The following RAPGEF4 variants were observed in gnomAD, a reference collection of about 807,000 sequenced individuals.
The protein encoded by RAPGEF4 is RAP guanine-nucleotide-exchange factor (GEF) 4.
A neutral mutation model predicts 147.9 loss-of-function variants in RAPGEF4; 66 were observed. The observed-to-expected ratio is 0.45, with a 90% confidence interval of 0.37 to 0.55. The LOEUF (loss-of-function observed/expected upper bound fraction) is 0.55, where lower values mean the gene tolerates loss of function less well. RAPGEF4 is among the 20% of genes least tolerant of loss of function. The pLI, the probability that RAPGEF4 is intolerant of heterozygous loss-of-function variation, is 0.00. For synonymous variants in RAPGEF4, 419 were observed against 442.7 expected (o/e 0.95, Z 0.67); for missense variants, 1,071 against 1,257.3 (o/e 0.85, Z 2.24).
At chr2:172,992,218 A>T (rs2105744813) in intron 15 of RAPGEF4, among the ~76,000 whole-genome samples, 1 of 152,386 alleles carries the variant, frequency 6.6e-6, no homozygotes, top group South Asian at 2.1e-4. Flanking sequence ...CCTGTCACTT[A>T]CAAAACTATA....
At chr2:172,968,256 C>T (rs1400194973) in intron 10 of RAPGEF4, among the ~76,000 whole-genome samples, 1 of 152,188 alleles carries the variant, frequency 6.6e-6, no homozygotes, top group Admixed American at 6.5e-5. Context: ...TGAAGACGCC[C>T]TCTGCCCCAC....
intron 6 of RAPGEF4, among the ~76,000 whole-genome samples, chr2:172,940,128 C>G (rs963857663): frequency 1.9e-4 from 29 of 152,040 alleles, no homozygotes; most frequent in Non-Finnish European, 4.4e-5. Flanking sequence ...TAGAATTTGT[C>G]TAATGTTTTT....
intron 4 of RAPGEF4, among the ~76,000 whole-genome samples, chr2:172,867,671 C>T (rs1694795744): frequency 6.6e-6 from 1 of 152,156 alleles, no homozygotes; most frequent in South Asian, 2.1e-4. Context: ...GAGGGTATGG[C>T]TATTTGTTGG....
chr2:172,967,501 C>T (rs1216356305), intron 10 of RAPGEF4, 57 bp downstream of exon 10: 3 of 1,531,074 alleles, frequency 2.0e-6, no homozygotes, highest in Non-Finnish European at 2.6e-6. Flanking sequence ...AGTGCATAGA[C>T]ATACCATGAG....
At chr2:172,890,845 A>G (rs1031321482) in intron 4 of RAPGEF4, among the ~76,000 whole-genome samples, 9 of 152,196 alleles carry the variant, frequency 5.9e-5, no homozygotes, top group Non-Finnish European at 2.9e-5. Context: ...AAAATTATTA[A>G]CAGATCAGGT....
At chr2:172,817,940 T>A (rs111868800) in intron 4 of RAPGEF4, among the ~76,000 whole-genome samples, 19 of 147,242 alleles carry the variant, frequency 1.3e-4, no homozygotes, top group Non-Finnish European at 2.7e-4. Context: ...CAATTATATA[T>A]ATAATGTATA....
chr2:172,863,930 T>C (rs1252684497), intron 4 of RAPGEF4, among the ~76,000 whole-genome samples: 1 of 152,090 alleles, frequency 6.6e-6, no homozygotes, highest in Non-Finnish European at 1.5e-5. Context: ...GCAATGACTA[T>C]ATAAGCAGTA....
chr2:172,815,993 T>C (rs1688465690), intron 4 of RAPGEF4, among the ~76,000 whole-genome samples: 1 of 152,210 alleles, frequency 6.6e-6, no homozygotes, highest in Non-Finnish European at 1.5e-5. Context: ...TTGTTTTTTT[T>C]GGTGAACTAC....
chr2:172,860,292 T>A, intron 4 of RAPGEF4: 1 of 985,432 alleles, frequency 1.0e-6, no homozygotes, highest in Non-Finnish European at 1.2e-6. Flanking sequence ...CTGGGAGAAG[T>A]GTCTGGTGTA....
chr2:172,944,438 C>G (rs1239261543), intron 6 of RAPGEF4, among the ~76,000 whole-genome samples: 5 of 152,168 alleles, frequency 3.3e-5, no homozygotes, highest in African/African-American at 1.2e-4. Flanking sequence ...GTGGAGTCCT[C>G]TTATTATCTT....
At chr2:173,035,954 A>T (rs1015584956) in intron 27 of RAPGEF4, among the ~76,000 whole-genome samples, 171 bp from the exon 28 acceptor site, 5 of 152,230 alleles carry the variant, frequency 3.3e-5, no homozygotes, top group African/African-American at 1.2e-4. Flanking sequence ...AGTGTCAGGG[A>T]TGGCAGAGGC....
chr2:172,852,358 A>T (rs1692948194), intron 4 of RAPGEF4, among the ~76,000 whole-genome samples: 1 of 152,182 alleles, frequency 6.6e-6, no homozygotes, highest in East Asian at 1.9e-4. Context: ...ATGAATTGTC[A>T]ATAAGTTGAT....
chr2:172,995,283 GTGTGTGTT>G (rs1274355691), intron 15 of RAPGEF4, among the ~76,000 whole-genome samples: 11 of 138,966 alleles, frequency 7.9e-5, no homozygotes, highest in African/African-American at 2.5e-4. Flanking sequence ...GTGTGTGTGT[GTGTGTGTT>G]TGTATTTTGA....
intron 1 of RAPGEF4, among the ~76,000 whole-genome samples, chr2:172,762,082 A>G (rs1223583251): frequency 6.6e-6 from 1 of 152,214 alleles, no homozygotes; most frequent in Non-Finnish European, 1.5e-5. Context: ...AGATCGTGCC[A>G]TGGCACTCCA....
intron 4 of RAPGEF4, among the ~76,000 whole-genome samples, chr2:172,886,395 G>A (rs1375808232): frequency 1.3e-5 from 2 of 152,202 alleles, no homozygotes; most frequent in Non-Finnish European, 2.9e-5. Context: ...AAAGCTTGCA[G>A]ACTCTTCCCC....
intron 7 of RAPGEF4, 87 bp downstream of exon 7, chr2:172,960,900 AG>A: frequency 8.8e-7 from 1 of 1,136,246 alleles, no homozygotes; most frequent in African/African-American, 1.6e-5. Flanking sequence ...GGATCACATC[AG>A]GAAGCCTCTG....
intron 4 of RAPGEF4, among the ~76,000 whole-genome samples, chr2:172,823,818 G>A (rs1026050082): frequency 1.3e-5 from 2 of 152,204 alleles, no homozygotes; most frequent in Non-Finnish European, 2.9e-5. Flanking sequence ...TCCAAAGGTT[G>A]TTGATGTGGT....
chr2:172,823,590 C>T (rs1331610457), intron 4 of RAPGEF4, among the ~76,000 whole-genome samples: 3 of 152,108 alleles, frequency 2.0e-5, no homozygotes, highest in South Asian at 4.2e-4. Context: ...CTTTCCTGCT[C>T]TCGTGGGGCC....
intron 25 of RAPGEF4, among the ~76,000 whole-genome samples, chr2:173,028,051 A>T (rs1335011773): frequency 6.6e-6 from 1 of 152,212 alleles, no homozygotes; most frequent in Non-Finnish European, 1.5e-5. Context: ...TCTTGACCCA[A>T]AATCAAACAT....
Sources: allele counts gnomAD v4.1 joint callset (sites outside exome capture counted in the v4.1 genomes callset), GRCh38; gene constraint gnomAD v4.1.1; transcripts MANE v1.5; gene names NCBI Gene and HGNC (gene_info 2026-07-23, HGNC 2026-07-21).